RYR2: variants seen among roughly 807,000 people sequenced by gnomAD.
RYR2 encodes the protein cardiac muscle ryanodine receptor-calcium release channel.
Under a neutral mutation model 601.1 loss-of-function variants are expected in RYR2, and 227 were observed. That is an observed-to-expected ratio of 0.38 (90% CI 0.34 to 0.42). The LOEUF (loss-of-function observed/expected upper bound fraction) is 0.42, where lower values mean the gene tolerates loss of function less well. Among genes scored for constraint, RYR2 ranks in the 10% least tolerant of loss-of-function variants. The pLI is 1.00. For missense variants in RYR2, 4,646 were observed against 6,156.5 expected (o/e 0.75, Z 8.21); for synonymous variants, 2,223 against 2,175.1 (o/e 1.02, Z -0.61).
chr1:237,593,947 G>C (rs1351184751), intron 33 of RYR2, among the ~76,000 whole-genome samples: 5 of 152,164 alleles, frequency 3.3e-5, no homozygotes, highest in Admixed American at 2.0e-4. Context: ...TTGAGAGATG[G>C]GTGAATGTGC....
intron 60 of RYR2, among the ~76,000 whole-genome samples, chr1:237,677,786 T>G (rs1685531253): frequency 6.6e-6 from 1 of 152,188 alleles, no homozygotes; most frequent in Non-Finnish European, 1.5e-5. Flanking sequence ...CAATAAGATC[T>G]CAAAGCTACA....
At chr1:237,477,292 G>A (rs1050420548) in intron 17 of RYR2, among the ~76,000 whole-genome samples, 1 of 152,168 alleles carries the variant, frequency 6.6e-6, no homozygotes, top group African/African-American at 2.4e-5. Context: ...TCAGGAGGCT[G>A]AGGCAGGAGA....
At position 237,660,826 on chromosome 1, in the gene RYR2, G is replaced by T. The variant is rs922927449; in HGVS notation, c.8315G>T (p.Arg2772Leu). ...LLSEKEKEIYRWPIKESLKTM... is the reference protein window; with the variant it reads ...LLSEKEKEIYLWPIKESLKTM... ...CTTCTCTAGGAAAAAGAAATTTATC[G>T]CTGGCCAATCAAAGAATCTTTAAAA... The change falls in exon 56 of 105, where the codon CGC (arginine) becomes CTC (leucine). Residue 2772 changes from arginine to leucine, a missense_variant. Coordinates refer to ENST00000366574, the MANE Select transcript of RYR2 (RefSeq NM_001035.3). 2 of 1,541,366 alleles carry T rather than the reference G, an allele frequency of 1.3e-6. No homozygotes were observed. Among genetic ancestry groups the T allele is most frequent in the Non-Finnish European group, 1.8e-6 (2 of 1,140,976 alleles).
chr1:237,445,372 G>A, intron 13 of RYR2, 29 bp from the exon 14 acceptor site: 4 of 1,612,042 alleles, frequency 2.5e-6, no homozygotes, highest in Non-Finnish European at 3.4e-6. Context: ...GACGTTGGGA[G>A]TAATGGCCTT....
intron 1 of RYR2, among the ~76,000 whole-genome samples, chr1:237,059,768 A>G (rs935113374): frequency 7.2e-5 from 11 of 152,224 alleles, no homozygotes; most frequent in African/African-American, 2.7e-4. Context: ...GAAGAATGCC[A>G]TAAATATTGG....
At position 237,742,381 on chromosome 1, in the gene RYR2, T is replaced by G. The variant is rs574433535; in HGVS notation, c.11145+32T>G. ...TGGATCTTTCTGGATTTGCCTTTCT[T>G]TCTATCTTGAAACATTGTTTCATAG... is the stretch of plus-strand genomic sequence containing the variant. On this transcript the variant is annotated intron_variant, in intron 80 of 104. Coordinates refer to ENST00000366574, the MANE Select transcript of RYR2 (RefSeq NM_001035.3). 9 of 1,445,652 alleles carry G rather than the reference T, an allele frequency of 6.2e-6. No individual in the cohort carries two copies. The Admixed American group carries it at 1.7e-4, about 28-fold the overall frequency. 89.6% of individuals were successfully genotyped at this position (1,445,652 alleles called of 1,614,324 possible).
intron 1 of RYR2, among the ~76,000 whole-genome samples, chr1:237,109,400 A>G (rs2148575780): frequency 6.6e-6 from 1 of 152,130 alleles, no homozygotes; most frequent in South Asian, 2.1e-4. Context: ...TGGAGAGAAA[A>G]TTGCTTTGAA....
chr1:237,498,925 T>C (rs1664349869), intron 20 of RYR2, among the ~76,000 whole-genome samples: 1 of 152,182 alleles, frequency 6.6e-6, no homozygotes, highest in Non-Finnish European at 1.5e-5. Context: ...TGAAAAGTAT[T>C]TTCTCTTAAG....
At position 237,819,014 on chromosome 1, in the gene RYR2, T is replaced by C. The variant is rs747134652; in HGVS notation, c.14434-22T>C. 1.9e-6 allele frequency: 3 copies of C among 1,596,858 alleles called. No homozygotes were observed. The South Asian group carries it at 3.4e-5, about 18-fold the overall frequency. ...AAATGGGTAATGTCCCTCCAAGAAGTGATACCATGTCTTTTTTCCAGTGCT... is the reference window on the plus strand; with the variant it reads ...AAATGGGTAATGTCCCTCCAAGAAGCGATACCATGTCTTTTTTCCAGTGCT... On this transcript the variant is annotated intron_variant, in intron 100 of 104. Coordinates refer to ENST00000366574, the MANE Select transcript of RYR2 (RefSeq NM_001035.3). This position sits in a 1 kb window ranked among gnomAD's most constrained non-coding sequence, Gnocchi z 4.0.
intron 11 of RYR2, among the ~76,000 whole-genome samples, chr1:237,419,661 GTTC>G (rs1309270440): frequency 2.0e-5 from 3 of 152,062 alleles, no homozygotes; most frequent in East Asian, 1.9e-4. Flanking sequence ...GAGATGTTTT[GTTC>G]TTCTCTCTGA....
chr1:237,773,458 G>A (rs549247340), intron 86 of RYR2, 62 bp from the exon 87 acceptor site: 1 of 1,227,770 alleles, frequency 8.1e-7, no homozygotes, highest in East Asian at 2.3e-5. Flanking sequence ...TCCAAGACTG[G>A]TTAGTCAATG....
At chr1:237,195,693 T>G (rs1443897803) in intron 1 of RYR2, among the ~76,000 whole-genome samples, 1 of 152,250 alleles carries the variant, frequency 6.6e-6, no homozygotes. Context: ...CAAATTGGCA[T>G]AGGCTCTAGT....
At chr1:237,447,871 T>C (rs1245800488) in intron 14 of RYR2, among the ~76,000 whole-genome samples, 3 of 149,146 alleles carry the variant, frequency 2.0e-5, no homozygotes, top group East Asian at 3.9e-4. Context: ...TTTTCTTTTT[T>C]CTTTCCTTTT....
At position 237,627,803 on chromosome 1, in the gene RYR2, G is replaced by T; in HGVS notation, c.6167-4G>T. Reference sequence around the variant, plus strand: ...TTTAAAAAATATCCATAATGACTTTGCAGCCACTCTGCAGCAGCTGATTTC... The same window carrying T: ...TTTAAAAAATATCCATAATGACTTTTCAGCCACTCTGCAGCAGCTGATTTC... On this transcript the variant is annotated splice_region_variant and splice_polypyrimidine_tract_variant and intron_variant, in intron 40 of 104. Transcript: ENST00000366574. 1 of 1,591,046 alleles carries T rather than the reference G, an allele frequency of 6.3e-7. No individual in the cohort carries two copies. Among genetic ancestry groups the T allele is most frequent in the Non-Finnish European group, 8.6e-7 (1 of 1,164,276 alleles).
chr1:237,815,817 G>A (rs1661756379), intron 100 of RYR2, among the ~76,000 whole-genome samples: 2 of 152,154 alleles, frequency 1.3e-5, no homozygotes, highest in South Asian at 4.1e-4. Context: ...ACATAAGCCT[G>A]ATGTACGAGT....
intron 27 of RYR2, among the ~76,000 whole-genome samples, chr1:237,552,443 T>C (rs1489221919): frequency 6.6e-6 from 1 of 152,076 alleles, no homozygotes; most frequent in Admixed American, 6.5e-5. Context: ...TCTGAAGTGT[T>C]CAGTCTGGTA....
At chr1:237,395,459 T>C (rs1465255972) in intron 10 of RYR2, among the ~76,000 whole-genome samples, 2 of 151,932 alleles carry the variant, frequency 1.3e-5, no homozygotes, top group East Asian at 3.9e-4. Flanking sequence ...CCTACATGCA[T>C]TTTAAATACG....
intron 17 of RYR2, among the ~76,000 whole-genome samples, chr1:237,488,157 G>A (rs192590211): frequency 9.2e-5 from 14 of 152,056 alleles, no homozygotes; most frequent in Non-Finnish European, 1.5e-4. Context: ...ATTGGTCTTC[G>A]TCTTAACTTC....
At chr1:237,409,421 G>T (rs1362786548) in intron 10 of RYR2, among the ~76,000 whole-genome samples, 1 of 151,986 alleles carries the variant, frequency 6.6e-6, no homozygotes, top group East Asian at 1.9e-4. Context: ...TATGATCAAT[G>T]ATTTTTTTCT....
Sources: gnomAD v4.1 joint callset for allele counts (sites outside exome capture counted in the v4.1 genomes callset) on GRCh38, gnomAD v4.1.1 for gene constraint, Gnocchi (gnomAD v3.1) non-coding constraint, MANE v1.5 for transcripts, NCBI Gene and HGNC (gene_info 2026-07-23, HGNC 2026-07-21) for gene names.